Variants in DAB1 observed in about 807,000 individuals in gnomAD.
DAB1 encodes the protein DAB adaptor protein 1.
A neutral mutation model predicts 64.6 loss-of-function variants in DAB1; 15 were observed. The observed-to-expected ratio is 0.23, with a 90% CI of 0.16 to 0.36. The LOEUF is 0.36. Among genes scored for constraint, DAB1 ranks in the 10% least tolerant of loss-of-function variants. The pLI, the probability that DAB1 is intolerant of heterozygous loss-of-function variation, is 1.00. For synonymous variants in DAB1, 235 were observed against 251.9 expected (o/e 0.93, Z 0.64); for missense variants, 596 against 706.7 (o/e 0.84, Z 1.78).
rs149218713 is a variant in DAB1 at position 57,647,731 on chromosome 1, T to C, written n.625+1861A>G. On this transcript the variant is annotated intron_variant and non_coding_transcript_variant, in intron 7 of 20. Coordinates refer to the DAB1 transcript ENST00000485760. ...CATCCTTCAAAGGTCTTTTGGCACA[T>C]TGATCTTCTTAACAATCACAGAAGA... Among the ~76,000 whole-genome samples, 165 of 152,350 alleles carry C rather than the reference T, an allele frequency of 1.1e-3. 1 individual carries two copies. The highest frequency in any genetic ancestry group is 3.6e-3 in the African/African-American group (149 of 41,580).
At chr1:57,233,454 A>G (rs1176053928) in intron 2 of DAB1, among the ~76,000 whole-genome samples, 3 of 150,918 alleles carry the variant, frequency 2.0e-5, no homozygotes, top group Non-Finnish European at 4.4e-5. Flanking sequence ...CCGATTCTTA[A>G]CAAACTTATT....
chr1:58,384,550 T>C lies in DAB1; in HGVS notation n.258-41147A>G, dbSNP rs551712424. 4.6e-5 allele frequency among the ~76,000 whole-genome samples: 7 copies of C among 152,226 alleles called. No homozygotes were observed. In the South Asian group the frequency reaches 1.2e-3, roughly 27 times the overall value. ...AGAGGGACAGGACTAATAGGGTAGA[T>C]GTATATATGAAGGGGAGTTTATTAA... On this transcript the variant is annotated intron_variant and non_coding_transcript_variant, in intron 3 of 20. Transcript: ENST00000485760.
intron 2 of DAB1, among the ~76,000 whole-genome samples, chr1:57,252,158 C>A (rs939119575): frequency 1.3e-5 from 2 of 152,190 alleles, no homozygotes; most frequent in Non-Finnish European, 2.9e-5. Context: ...TGTAAAGATA[C>A]ATTCATTTGC....
chr1:58,122,009 A>G (rs1418483817), intron 5 of DAB1, among the ~76,000 whole-genome samples: 2 of 152,152 alleles, frequency 1.3e-5, no homozygotes, highest in African/African-American at 4.8e-5. Flanking sequence ...TCCTCTCTGT[A>G]GCACCAAGTC....
At chr1:58,346,664 T>C (rs964528678) in intron 3 of DAB1, among the ~76,000 whole-genome samples, 8 of 152,240 alleles carry the variant, frequency 5.3e-5, no homozygotes, top group African/African-American at 1.9e-4. Flanking sequence ...CTAGCTTAAT[T>C]AGTTCTAATG....
intron 2 of DAB1, among the ~76,000 whole-genome samples, chr1:57,187,755 T>G (rs754208634): frequency 1.3e-5 from 2 of 150,426 alleles, no homozygotes; most frequent in Non-Finnish European, 2.9e-5. Flanking sequence ...GGGATTCTAC[T>G]CAAAGTATTT....
intron 5 of DAB1, among the ~76,000 whole-genome samples, chr1:58,127,672 A>C (rs567359022): frequency 1.3e-5 from 2 of 152,296 alleles, no homozygotes; most frequent in East Asian, 1.9e-4. Context: ...TCAGCTTTCT[A>C]CATATGGCTA....
intron 9 of DAB1, among the ~76,000 whole-genome samples, chr1:57,058,427 A>G (rs1268954673): frequency 6.6e-6 from 1 of 152,148 alleles, no homozygotes; most frequent in Non-Finnish European, 1.5e-5. Context: ...TCACACAGGG[A>G]TTCATTTGTT....
At chr1:57,850,379 T>C (rs1653464607) in intron 1 of DAB1, among the ~76,000 whole-genome samples, 1 of 152,148 alleles carries the variant, frequency 6.6e-6, no homozygotes, top group African/African-American at 2.4e-5. Flanking sequence ...CAAAGCAATT[T>C]GCCCAAGGAC....
chr1:58,469,022 T>C lies in DAB1; in HGVS notation n.257+37038A>G, dbSNP rs944889358. On this transcript the variant is annotated intron_variant and non_coding_transcript_variant, in intron 3 of 20. Coordinates refer to the DAB1 transcript ENST00000485760. The stretch of plus-strand genomic sequence containing the variant: ...ATCCTCCGTCTTATGAAAAGAAAAG[T>C]GAGATGTTAGAGAAGGTTATCACAG... 3 of 243,842 alleles carry C rather than the reference T, an allele frequency of 1.2e-5. No homozygotes were observed. In the Admixed American group the frequency reaches 1.9e-4, roughly 16 times the overall value. The allele number at this position is 243,842 out of a possible 1,614,324, so 15.1% of individuals were successfully genotyped here.
chr1:57,427,652 A>C (rs80123834), upstream of DAB1, among the ~76,000 whole-genome samples: 1 of 152,224 alleles, frequency 6.6e-6, no homozygotes, highest in East Asian at 1.9e-4. Context: ...CCAGAGAGTA[A>C]TAAAATTTTA....
chr1:58,147,026 G>C (rs1413236943), intron 5 of DAB1, among the ~76,000 whole-genome samples: 4 of 152,138 alleles, frequency 2.6e-5, no homozygotes, highest in Non-Finnish European at 4.4e-5. Flanking sequence ...ATAGCCATTG[G>C]CTAGGTGCAG....
chr1:57,930,681 C>T (rs927050489), intron 5 of DAB1, among the ~76,000 whole-genome samples: 1 of 152,132 alleles, frequency 6.6e-6, no homozygotes, highest in Non-Finnish European at 1.5e-5. Context: ...ACTGCTGGTA[C>T]ATAGAAGAGT....
chr1:58,452,057 T>C (rs1421030032), intron 3 of DAB1, among the ~76,000 whole-genome samples: 1 of 151,068 alleles, frequency 6.6e-6, no homozygotes, highest in Non-Finnish European at 1.5e-5. Flanking sequence ...CTTAGCCTCC[T>C]GAGTGGCTGG....
chr1:58,251,154 G>A (rs56261259), intron 4 of DAB1, among the ~76,000 whole-genome samples: 15,622 of 152,286 alleles, frequency 0.1, 1,154 homozygotes, highest in Admixed American at 0.18. Context: ...CATGGTAAGT[G>A]ATAGCAAAAC....
intron 5 of DAB1, among the ~76,000 whole-genome samples, chr1:58,093,033 C>T (rs985425809): frequency 1.3e-5 from 2 of 152,154 alleles, no homozygotes; most frequent in Non-Finnish European, 2.9e-5. Context: ...TTTAGAGTGC[C>T]ACACAAACTT....
At chr1:57,932,786 G>T (rs559690096) in intron 5 of DAB1, among the ~76,000 whole-genome samples, 2 of 152,234 alleles carry the variant, frequency 1.3e-5, no homozygotes, top group Non-Finnish European at 2.9e-5. Context: ...TGTTAGCATG[G>T]TTTGTCTTTC....
chr1:57,249,519 A>C (rs1018196895), intron 2 of DAB1, among the ~76,000 whole-genome samples: 1 of 152,098 alleles, frequency 6.6e-6, no homozygotes, highest in Non-Finnish European at 1.5e-5. Context: ...TTCCAGGTGC[A>C]TGCCACCACC....
At chr1:57,065,707 A>G (rs1316844595) in intron 8 of DAB1, among the ~76,000 whole-genome samples, 1 of 152,200 alleles carries the variant, frequency 6.6e-6, no homozygotes, top group East Asian at 1.9e-4. Flanking sequence ...GAGACATAAA[A>G]GTTTCAGACC....
Sources: allele counts gnomAD v4.1 joint callset (sites outside exome capture counted in the v4.1 genomes callset), GRCh38; gene constraint gnomAD v4.1.1; transcripts MANE v1.5; gene names NCBI Gene and HGNC (gene_info 2026-07-23, HGNC 2026-07-21).